Variants in TADA3 observed in about 807,000 individuals in gnomAD.
TADA3 encodes transcriptional adapter 3.
Under a neutral mutation model 43.2 loss-of-function variants are expected in TADA3, and 25 were observed. The ratio of observed to expected loss-of-function variants is 0.58; its 90% CI spans 0.42 to 0.81. The LOEUF (loss-of-function observed/expected upper bound fraction) is 0.81, where lower values mean the gene tolerates loss of function less well. TADA3 is among the 30% of genes least tolerant of loss of function. TADA3 has a pLI of 0.00. For synonymous variants in TADA3, 235 were observed against 225.5 expected, an observed-to-expected ratio of 1.04 and a Z score of -0.38; for missense variants, 441 against 567.8, an observed-to-expected ratio of 0.78 and a Z score of 2.27.
At chr3:9,786,592 C>T (rs2078618382) in intron 6 of TADA3, among the ~76,000 whole-genome samples, 1 of 152,172 alleles carries the variant, frequency 6.6e-6, no homozygotes, top group South Asian at 2.1e-4. Flanking sequence ...TTATCTGTAA[C>T]ACAGCGTTAA....
At chr3:9,789,451 C>G in intron 4 of TADA3, 58 bp downstream of exon 4, 1 of 1,503,602 alleles carries the variant, frequency 6.7e-7, no homozygotes, top group Non-Finnish European at 9.2e-7. Flanking sequence ...CTTTACTTCT[C>G]AGGCACCTCT....
chr3:9,788,541 G>A (rs994058679), intron 4 of TADA3, among the ~76,000 whole-genome samples: 7 of 144,692 alleles, frequency 4.8e-5, no homozygotes, highest in African/African-American at 1.5e-4. Flanking sequence ...CACCGCACCC[G>A]GCTTTTTTTT....
At position 9,785,437 on chromosome 3, in the gene TADA3, C is replaced by T; in HGVS notation, c.811-12G>A. 1 of 1,585,986 alleles carries T rather than the reference C, an allele frequency of 6.3e-7. No homozygotes were observed. The highest frequency in any genetic ancestry group is 8.7e-7 in the Non-Finnish European group (1 of 1,155,472). ...GAAATAATATTTTCCTAGAAGACCA[C>T]AAAAATGAGTGGAAGGAAAAATAGC... On this transcript the variant is annotated splice_polypyrimidine_tract_variant and intron_variant, in intron 6 of 8. Coordinates refer to ENST00000301964, the MANE Select transcript of TADA3 (RefSeq NM_006354.5).
intron 6 of TADA3, among the ~76,000 whole-genome samples, chr3:9,786,050 T>A (rs1022417449): frequency 3.3e-5 from 5 of 152,094 alleles, no homozygotes; most frequent in Non-Finnish European, 7.4e-5. Flanking sequence ...GCCATTCTCC[T>A]GCCTCAGCCT....
At chr3:9,782,624 G>A (rs6809452) in intron 8 of TADA3, among the ~76,000 whole-genome samples, 37,572 of 152,030 alleles carry the variant, frequency 0.25, 5,160 homozygotes, top group East Asian at 0.56. Flanking sequence ...CTAAGAGACA[G>A]TAAGAATGGC....
chr3:9,789,099 G>C (rs990752668), intron 4 of TADA3, among the ~76,000 whole-genome samples: 2 of 152,174 alleles, frequency 1.3e-5, no homozygotes, highest in African/African-American at 2.4e-5. Context: ...GCCTCCCAAA[G>C]TGCTAGGATT....
In TADA3 at chr3:9,787,490, G is replaced by C. The variant is rs558997243; in HGVS notation, c.565-150C>G. Reference sequence around the variant, plus strand: ...GGTGTAGGTAAGAAAGTACAACGAAGATAAAACCTGTACTTCACACTCTAG... The same window carrying C: ...GGTGTAGGTAAGAAAGTACAACGAACATAAAACCTGTACTTCACACTCTAG... On this transcript the variant is annotated intron_variant, in intron 4 of 8. Coordinates refer to ENST00000301964, the MANE Select transcript of TADA3 (RefSeq NM_006354.5). 3 of 1,161,352 alleles carry C rather than the reference G, an allele frequency of 2.6e-6. No homozygotes were observed. In the Admixed American group the frequency reaches 8.6e-5, roughly 33 times the overall value. 71.9% of individuals were successfully genotyped at this position (1,161,352 alleles called of 1,614,324 possible).
intron 4 of TADA3, chr3:9,787,763 G>T (rs183671734): frequency 5.3e-5 from 65 of 1,236,506 alleles, no homozygotes; most frequent in Non-Finnish European, 1.7e-5. Context: ...TGAAGTGAAA[G>T]AGAGAGATCA....
At position 9,789,954 on chromosome 3, in the gene TADA3, C is replaced by T; in HGVS notation, c.217G>A (p.Asp73Asn). 1 of 1,592,846 alleles carries T rather than the reference C, an allele frequency of 6.3e-7. No homozygotes were observed. The highest frequency in any genetic ancestry group is 8.5e-7 in the Non-Finnish European group (1 of 1,170,670). ...VLEAETQILT[D>N]WQDKKGDRRF... ...CTGTCACCTTTCTTATCCTGCCAGTCGGTGAGGATCTGAAATTTACAGAAA... is the reference window on the plus strand; with the variant it reads ...CTGTCACCTTTCTTATCCTGCCAGTTGGTGAGGATCTGAAATTTACAGAAA... The change falls in exon 3 of 9, where the codon GAC (aspartate) becomes AAC (asparagine). Residue 73 changes from aspartate to asparagine, a missense_variant. Transcript: ENST00000301964.
At chr3:9,781,818 C>T (rs1377220246) in intron 8 of TADA3, among the ~76,000 whole-genome samples, 1 of 145,520 alleles carries the variant, frequency 6.9e-6, no homozygotes, top group African/African-American at 2.5e-5. Context: ...GCCATTTCTT[C>T]ATTGCCCATT....
At chr3:9,786,903 T>C (rs894532318) in intron 6 of TADA3, 103 bp downstream of exon 6, 2 of 1,099,128 alleles carry the variant, frequency 1.8e-6, no homozygotes, top group African/African-American at 3.1e-5. Flanking sequence ...CAACCTATTT[T>C]TGCACCAACC....
In TADA3 at chr3:9,790,983, C is replaced by G. The variant is rs536390380; in HGVS notation, c.207+277G>C. On this transcript the variant is annotated intron_variant, in intron 2 of 8. Transcript: ENST00000301964. ...AAGCTCCCTGACAGCCATAACTGTC[C>G]TAATTACCTTTCTCTAATGACTAGC... is the stretch of plus-strand genomic sequence containing the variant. 5.9e-5 allele frequency among the ~76,000 whole-genome samples: 9 copies of G among 152,290 alleles called. No homozygotes were observed. The East Asian group carries it at 1.7e-3, about 29-fold the overall frequency.
Position 9,780,215 on chromosome 3 carries a change from T to G in TADA3, c.*142A>C. The G allele has an allele frequency of 1.2e-6, 1 of 854,590 alleles. No homozygotes were observed. The highest frequency in any genetic ancestry group is 1.8e-6 in the Non-Finnish European group (1 of 566,576). The allele number at this position is 854,590 out of a possible 1,614,324, so 52.9% of individuals were successfully genotyped here. A position where few individuals can be genotyped will look rare whatever the true frequency, so the allele number is the denominator to read the frequency against. On this transcript the variant is annotated 3_prime_UTR_variant, in exon 9 of 9. Coordinates refer to ENST00000301964, the MANE Select transcript of TADA3 (RefSeq NM_006354.5). The stretch of plus-strand genomic sequence containing the variant: ...TTGTACAGAGCTAGGCCAAAAGACC[T>G]CAGGGGAAGGGCCACGGCCCTCTAG...
chr3:9,792,593 T>C, upstream of TADA3: 1 of 1,229,352 alleles, frequency 8.1e-7, no homozygotes, highest in African/African-American at 1.6e-5. Context: ...AGAGGTGGGG[T>C]GCGGGTGGTC....
chr3:9,786,111 T>C (rs1350176316), intron 6 of TADA3, among the ~76,000 whole-genome samples: 1 of 152,170 alleles, frequency 6.6e-6, no homozygotes, highest in African/African-American at 2.4e-5. Flanking sequence ...GCTAATTTTT[T>C]TGTATTTTTA....
intron 8 of TADA3, among the ~76,000 whole-genome samples, chr3:9,782,790 C>CAAA (rs36123956): frequency 4.2e-5 from 5 of 119,968 alleles, no homozygotes; most frequent in South Asian, 2.7e-4. Context: ...GACACCGTCT[C>CAAA]AAAAAAAAAA....
At chr3:9,789,271 G>T (rs1014317129) in intron 4 of TADA3, among the ~76,000 whole-genome samples, 2 of 152,184 alleles carry the variant, frequency 1.3e-5, no homozygotes, top group African/African-American at 4.8e-5. Context: ...AGGAACATGG[G>T]CAGACTTCAC....
intron 6 of TADA3, among the ~76,000 whole-genome samples, chr3:9,786,350 C>G (rs1322511877): frequency 6.6e-6 from 1 of 152,148 alleles, no homozygotes; most frequent in Admixed American, 6.5e-5. Context: ...GAGATAGAGA[C>G]CTGCCCCTTC....
intron 6 of TADA3, among the ~76,000 whole-genome samples, chr3:9,786,741 T>G (rs2078623356): frequency 6.6e-6 from 1 of 152,232 alleles, no homozygotes. Flanking sequence ...TAGGATATAG[T>G]AATGTTTCAT....
Sources: allele counts gnomAD v4.1 joint callset (sites outside exome capture counted in the v4.1 genomes callset), GRCh38; gene constraint gnomAD v4.1.1; transcripts MANE v1.5; gene names NCBI Gene and HGNC (gene_info 2026-07-23, HGNC 2026-07-21).